The following FHIT variants were observed in gnomAD, a reference collection of about 807,000 sequenced individuals.
FHIT encodes the protein bis(5'-adenosyl)-triphosphatase.
In FHIT, 19 loss-of-function variants were observed where a neutral mutation model predicts 17.9. That is an observed-to-expected ratio of 1.06 (90% CI 0.74 to 1.56). The LOEUF is 1.56. Among genes scored for constraint, FHIT ranks in the 40% most tolerant of loss-of-function variants. FHIT has a pLI of 0.00. For synonymous variants in FHIT, 81 were observed against 69.7 expected, an observed-to-expected ratio of 1.16 and a Z score of -0.81; for missense variants, 248 against 189.2, an observed-to-expected ratio of 1.31 and a Z score of -1.82.
chr3:61,227,817 G>C (rs769889243), intron 1 of FHIT, among the ~76,000 whole-genome samples: 1 of 152,070 alleles, frequency 6.6e-6, no homozygotes, highest in Admixed American at 6.6e-5. Flanking sequence ...ACTAAAGCCC[G>C]AGTGTGATGT....
chr3:59,892,838 C>T lies in FHIT; in HGVS notation c.348+29508G>A, dbSNP rs1242669814. 1.3e-5 allele frequency among the ~76,000 whole-genome samples: 2 copies of T among 152,166 alleles called. 1 individual carries two copies. The highest frequency in any genetic ancestry group is 1.3e-4 in the Admixed American group (2 of 15,272). On this transcript the variant is annotated intron_variant, in intron 8 of 9. Transcript: ENST00000492590. The stretch of plus-strand genomic sequence containing the variant: ...CATCAATTATAAAAATATTGCCCAA[C>T]AGCAAATCAAAGAACATGCTCTTTG...
intron 5 of FHIT, among the ~76,000 whole-genome samples, chr3:60,023,850 T>C (rs573674285): frequency 2.0e-5 from 3 of 152,316 alleles, no homozygotes; most frequent in South Asian, 4.1e-4. Flanking sequence ...GGCTTATTCA[T>C]TGTTTAATCT....
At chr3:60,137,222 C>G (rs1420131266) in intron 5 of FHIT, among the ~76,000 whole-genome samples, 1 of 152,130 alleles carries the variant, frequency 6.6e-6, no homozygotes. Flanking sequence ...TTTAAGGAAT[C>G]CCTATTGATG....
At chr3:60,962,414 C>T (rs531245799) in intron 3 of FHIT, among the ~76,000 whole-genome samples, 120 of 152,296 alleles carry the variant, frequency 7.9e-4, no homozygotes, top group Non-Finnish European at 1.4e-3. Context: ...TAATTCAATA[C>T]ACTTTATTTC....
At chr3:60,504,996 G>A (rs551958930) in intron 5 of FHIT, among the ~76,000 whole-genome samples, 3 of 152,130 alleles carry the variant, frequency 2.0e-5, no homozygotes, top group Admixed American at 6.5e-5. Flanking sequence ...GGTCCCAGGG[G>A]ACAAGGGGAA....
chr3:60,720,018 A>G (rs1204966314), intron 4 of FHIT, among the ~76,000 whole-genome samples: 3 of 152,162 alleles, frequency 2.0e-5, no homozygotes, highest in African/African-American at 7.2e-5. Context: ...AGCTTCCATG[A>G]GCTCTCAAAA....
At chr3:59,957,976 C>T (rs905974519) in intron 7 of FHIT, among the ~76,000 whole-genome samples, 1 of 152,206 alleles carries the variant, frequency 6.6e-6, no homozygotes, top group African/African-American at 2.4e-5. Flanking sequence ...TCCTTGAACA[C>T]GTTTGAATGT....
intron 5 of FHIT, among the ~76,000 whole-genome samples, chr3:60,200,505 G>T (rs186908100): frequency 6.6e-6 from 1 of 152,004 alleles, no homozygotes; most frequent in Non-Finnish European, 1.5e-5. Flanking sequence ...ATGTAATTTT[G>T]TATAAAATGG....
At chr3:60,505,112 C>CA (rs2034675879) in intron 5 of FHIT, among the ~76,000 whole-genome samples, 2 of 152,136 alleles carry the variant, frequency 1.3e-5, no homozygotes, top group African/African-American at 4.8e-5. Context: ...GCTGTAAAAA[C>CA]AGAAAAAAAC....
chr3:59,944,191 T>C (rs544521220), intron 7 of FHIT, among the ~76,000 whole-genome samples: 2 of 152,328 alleles, frequency 1.3e-5, no homozygotes, highest in East Asian at 3.9e-4. Flanking sequence ...TATGCTGACA[T>C]AGTTTATAAA....
chr3:59,842,375 C>A (rs1291523979), intron 8 of FHIT, among the ~76,000 whole-genome samples: 1 of 152,144 alleles, frequency 6.6e-6, no homozygotes, highest in African/African-American at 2.4e-5. Flanking sequence ...TGTGGGTGAA[C>A]ATGGGCGTAC....
At chr3:61,208,376 C>T (rs538482993) in intron 1 of FHIT, among the ~76,000 whole-genome samples, 24 of 152,182 alleles carry the variant, frequency 1.6e-4, no homozygotes, top group South Asian at 2.1e-4. Flanking sequence ...TCCTTGTTAA[C>T]TTTCTGTCTT....
chr3:60,061,289 T>C (rs1183684335), intron 5 of FHIT, among the ~76,000 whole-genome samples: 1 of 152,192 alleles, frequency 6.6e-6, no homozygotes, highest in Non-Finnish European at 1.5e-5. Context: ...AGAGATGGAA[T>C]GTGATGGCCC....
intron 1 of FHIT, among the ~76,000 whole-genome samples, chr3:61,250,292 T>C (rs1353949562): frequency 6.6e-6 from 1 of 152,238 alleles, no homozygotes; most frequent in Non-Finnish European, 1.5e-5. Flanking sequence ...TTCAGGTAGA[T>C]CCGGCTTAAC....
At chr3:60,581,690 C>T (rs1382193838) in intron 4 of FHIT, among the ~76,000 whole-genome samples, 2 of 151,858 alleles carry the variant, frequency 1.3e-5, no homozygotes, top group African/African-American at 2.4e-5. Flanking sequence ...ATAAATTCAT[C>T]CTATGTAAAT....
chr3:61,014,724 G>A (rs1277868765), intron 3 of FHIT, among the ~76,000 whole-genome samples: 1 of 136,412 alleles, frequency 7.3e-6, no homozygotes, highest in Non-Finnish European at 1.5e-5. Flanking sequence ...AGCTTGCAGT[G>A]AGCCAAGATC....
chr3:59,951,942 G>A (rs1707137242), intron 7 of FHIT, among the ~76,000 whole-genome samples: 1 of 152,054 alleles, frequency 6.6e-6, no homozygotes, highest in African/African-American at 2.4e-5. Context: ...CAGTGCCACT[G>A]AGCATGCCAA....
In FHIT at chr3:60,382,843, T is replaced by A. The variant is rs115999935; in HGVS notation, c.103+154017A>T. 6.3e-3 allele frequency among the ~76,000 whole-genome samples: 964 copies of A among 152,306 alleles called. 15 individuals carry two copies. Among genetic ancestry groups the A allele is most frequent in the African/African-American group, 0.022 (929 of 41,570 alleles). On this transcript the variant is annotated intron_variant, in intron 5 of 9. Coordinates refer to ENST00000492590, the MANE Select transcript of FHIT (RefSeq NM_002012.4). ...AGCACAGCATGCATTTGGAATTACA[T>A]AGAGAACGAGAAATCAGACCTCTAT...
intron 4 of FHIT, among the ~76,000 whole-genome samples, chr3:60,568,287 A>T (rs1032884653): frequency 1.3e-5 from 2 of 152,206 alleles, no homozygotes; most frequent in African/African-American, 4.8e-5. Flanking sequence ...ATAAAAAATG[A>T]TGAGTTCATA....
Sources: allele counts gnomAD v4.1 joint callset (sites outside exome capture counted in the v4.1 genomes callset), GRCh38; gene constraint gnomAD v4.1.1; transcripts MANE v1.5; gene names NCBI Gene and HGNC (gene_info 2026-07-23, HGNC 2026-07-21).